ZMIZ1: variants seen among roughly 807,000 people sequenced by gnomAD.
ZMIZ1 encodes zinc finger MIZ domain-containing protein 1.
ZMIZ1 carries 17 observed loss-of-function variants against 113.9 expected under a neutral mutation model. That is an observed-to-expected ratio of 0.15 (90% CI 0.10 to 0.22). ZMIZ1 has a LOEUF of 0.22. ZMIZ1 is among the 10% of genes least tolerant of loss of function. The probability of loss-of-function intolerance (pLI) is 1.00; values close to 1 mark genes in which losing one functional copy is unlikely to be tolerated. For missense variants in ZMIZ1, 1,059 were observed against 1,477.8 expected, an observed-to-expected ratio of 0.72 and a Z score of 4.65; for synonymous variants, 607 against 603.1, an observed-to-expected ratio of 1.01 and a Z score of -0.09.
At chr10:79,182,756 C>T (rs577406789) in intron 4 of ZMIZ1, among the ~76,000 whole-genome samples, 10 of 152,336 alleles carry the variant, frequency 6.6e-5, no homozygotes, top group African/African-American at 2.4e-4. Context: ...CGAGGCCGAG[C>T]CCAGTCACTT....
At chr10:79,082,674 G>A (rs970398728) in intron 1 of ZMIZ1, among the ~76,000 whole-genome samples, 7 of 152,224 alleles carry the variant, frequency 4.6e-5, no homozygotes, top group African/African-American at 1.2e-4. Context: ...CTTTGCGCCC[G>A]AGGCTGTCCT....
At chr10:79,211,070 T>C (rs1016059427) in intron 6 of ZMIZ1, among the ~76,000 whole-genome samples, 1 of 152,134 alleles carries the variant, frequency 6.6e-6, no homozygotes, top group Admixed American at 6.5e-5. Flanking sequence ...TAGCTTCCCT[T>C]AGAGCTCAGT....
At chr10:79,247,044 T>C (rs1850246720) in intron 7 of ZMIZ1, among the ~76,000 whole-genome samples, 1 of 152,216 alleles carries the variant, frequency 6.6e-6, no homozygotes, top group Non-Finnish European at 1.5e-5. Context: ...CCTGTGGCCT[T>C]GTCCCTGTGT....
intron 23 of ZMIZ1, among the ~76,000 whole-genome samples, chr10:79,310,528 C>T (rs529953045): frequency 2.0e-5 from 3 of 152,310 alleles, no homozygotes; most frequent in Admixed American, 1.3e-4. Flanking sequence ...CTGAGGCAGC[C>T]GCCCTCCTGC....
intron 6 of ZMIZ1, among the ~76,000 whole-genome samples, chr10:79,209,330 A>C (rs1273426935): frequency 6.6e-6 from 1 of 152,246 alleles, no homozygotes; most frequent in East Asian, 1.9e-4. Context: ...GGCCAGGTCC[A>C]GAGTTTGTGG....
intron 4 of ZMIZ1, among the ~76,000 whole-genome samples, chr10:79,165,529 G>C (rs74141795): frequency 0.026 from 4,005 of 152,264 alleles, 148 homozygotes; most frequent in East Asian, 0.11. Context: ...ACGTGAGGCT[G>C]TGTGAATATT....
chr10:79,103,647 G>A (rs1843447842), intron 1 of ZMIZ1, among the ~76,000 whole-genome samples: 1 of 152,146 alleles, frequency 6.6e-6, no homozygotes, highest in African/African-American at 2.4e-5. Context: ...TGTTGACATC[G>A]GAGTGGAGAG....
At chr10:79,242,769 C>G (rs1475893895) in intron 7 of ZMIZ1, among the ~76,000 whole-genome samples, 1 of 152,016 alleles carries the variant, frequency 6.6e-6, no homozygotes, top group Non-Finnish European at 1.5e-5. Context: ...AATTAATTGC[C>G]TGGGCGGGGG....
intron 3 of ZMIZ1, among the ~76,000 whole-genome samples, chr10:79,151,864 G>A (rs1359844099): frequency 1.3e-5 from 2 of 152,174 alleles, no homozygotes; most frequent in Non-Finnish European, 2.9e-5. Context: ...GTGGAGTCAC[G>A]GGCTGGGTGG....
intron 6 of ZMIZ1, among the ~76,000 whole-genome samples, chr10:79,210,781 G>T (rs1848498657): frequency 6.6e-6 from 1 of 152,240 alleles, no homozygotes; most frequent in African/African-American, 2.4e-5. Flanking sequence ...AGGGTTGTCA[G>T]CAGGAGAGTG....
At chr10:79,169,317 C>A (rs1846507202) in intron 4 of ZMIZ1, among the ~76,000 whole-genome samples, 1 of 152,242 alleles carries the variant, frequency 6.6e-6, no homozygotes. Context: ...CCTCTGCCCC[C>A]AGCAATTCCC....
intron 1 of ZMIZ1, among the ~76,000 whole-genome samples, chr10:79,093,305 AT>A (rs1843054613): frequency 2.9e-5 from 2 of 68,456 alleles, no homozygotes; most frequent in South Asian, 8.3e-4. Flanking sequence ...TTATTTATTT[AT>A]TTATTTATTT....
intron 7 of ZMIZ1, among the ~76,000 whole-genome samples, chr10:79,255,276 G>A (rs1850812970): frequency 6.6e-6 from 1 of 152,220 alleles, no homozygotes. Flanking sequence ...GGGGAGAGAA[G>A]AAGGCAGGCA....
At chr10:79,167,327 C>T (rs1381493628) in intron 4 of ZMIZ1, among the ~76,000 whole-genome samples, 1 of 152,170 alleles carries the variant, frequency 6.6e-6, no homozygotes, top group Non-Finnish European at 1.5e-5. Context: ...CTTTGAAATC[C>T]AGTCATTGCA....
At chr10:79,231,406 G>A (rs1341575778) in intron 7 of ZMIZ1, among the ~76,000 whole-genome samples, 1 of 151,784 alleles carries the variant, frequency 6.6e-6, no homozygotes, top group African/African-American at 2.4e-5. Context: ...CACCACCATG[G>A]CTAATGTTTG....
intron 7 of ZMIZ1, among the ~76,000 whole-genome samples, chr10:79,269,134 A>G (rs915743003): frequency 3.3e-5 from 5 of 152,050 alleles, no homozygotes; most frequent in Non-Finnish European, 7.4e-5. Flanking sequence ...CTGACTCAAC[A>G]GGCAAGCCCC....
intron 13 of ZMIZ1, among the ~76,000 whole-genome samples, chr10:79,297,219 A>C (rs1337543549): frequency 2.0e-5 from 3 of 152,234 alleles, no homozygotes; most frequent in Non-Finnish European, 4.4e-5. Flanking sequence ...AAATAACACT[A>C]TGATGAGTAT....
rs1260021532 is a variant in ZMIZ1 at position 79,315,106 on chromosome 10, A to T, written c.*2357A>T. 1 of 152,860 alleles carries T rather than the reference A, an allele frequency of 6.5e-6. No homozygotes were observed. The highest frequency in any genetic ancestry group is 1.5e-5 in the Non-Finnish European group (1 of 68,154). The allele number at this position is 152,860 out of a possible 1,614,324, so 9.5% of individuals were successfully genotyped here. A position where few individuals can be genotyped will look rare whatever the true frequency, so the allele number is the denominator to read the frequency against. On this transcript the variant is annotated 3_prime_UTR_variant, in exon 25 of 25. Transcript: ENST00000334512. The stretch of plus-strand genomic sequence containing the variant: ...AGCCCAGGCCCCGGGCACCTCCTGC[A>T]ACCATCTCTGGGCTCAGCACCTGAG...
At chr10:79,075,843 C>T (rs1374714169) in intron 1 of ZMIZ1, among the ~76,000 whole-genome samples, 1 of 152,212 alleles carries the variant, frequency 6.6e-6, no homozygotes, top group Non-Finnish European at 1.5e-5. Flanking sequence ...TTCCCCAGCT[C>T]TTTCTTCGAA....
Sources: gnomAD v4.1 joint callset for allele counts (sites outside exome capture counted in the v4.1 genomes callset) on GRCh38, gnomAD v4.1.1 for gene constraint, MANE v1.5 for transcripts, NCBI Gene and HGNC (gene_info 2026-07-23, HGNC 2026-07-21) for gene names.